The following PGCKA1 variants were observed in gnomAD, a reference collection of about 807,000 sequenced individuals.
PGCKA1 encodes the protein PDCD10 and GCKIII kinases associated 1.
At chr4:37,533,947 C>T in the PGCKA1 span, among the ~76,000 whole-genome samples, 3 of 152,132 alleles carry the variant, frequency 2.0e-5, no homozygotes, top group Admixed American at 6.5e-5. Context: ...TCTTTATTTT[C>T]TTAGGATGTC....
At chr4:37,537,199 T>C in the PGCKA1 span, among the ~76,000 whole-genome samples, 205 of 152,342 alleles carry the variant, frequency 1.3e-3, no homozygotes, top group Non-Finnish European at 2.2e-3. Context: ...TGTTCTGCCC[T>C]CCAGAATTTC....
chr4:37,540,787 A>G, the PGCKA1 span, among the ~76,000 whole-genome samples: 1 of 149,934 alleles, frequency 6.7e-6, no homozygotes, highest in African/African-American at 2.5e-5. Flanking sequence ...CCCCATGTAG[A>G]GGTGGGGGTG....
chr4:37,576,660 AT>A, the PGCKA1 span, among the ~76,000 whole-genome samples: 1 of 152,020 alleles, frequency 6.6e-6, no homozygotes, highest in Non-Finnish European at 1.5e-5. Context: ...CATGTTTTAG[AT>A]TTAGAGAAAA....
At chr4:37,544,396 G>A in the PGCKA1 span, among the ~76,000 whole-genome samples, 13 of 151,960 alleles carry the variant, frequency 8.6e-5, no homozygotes, top group East Asian at 1.2e-3. Context: ...CTTCAATTAC[G>A]TAAAATTTTC....
chr4:37,537,681 A>T, the PGCKA1 span, among the ~76,000 whole-genome samples: 968 of 152,300 alleles, frequency 6.4e-3, 13 homozygotes, highest in African/African-American at 0.022. Flanking sequence ...AAGTTATTCA[A>T]CTTCCTGTGT....
the PGCKA1 span, among the ~76,000 whole-genome samples, chr4:37,457,051 C>A: frequency 4.6e-5 from 7 of 152,136 alleles, no homozygotes; most frequent in Non-Finnish European, 1.0e-4. Flanking sequence ...GATTCTAGTT[C>A]CTCTAGAGCT....
chr4:37,484,653 A>G, the PGCKA1 span, among the ~76,000 whole-genome samples: 1 of 152,252 alleles, frequency 6.6e-6, no homozygotes, highest in Non-Finnish European at 1.5e-5. Context: ...TGAGCTAATT[A>G]CATCTCTTTT....
the PGCKA1 span, among the ~76,000 whole-genome samples, chr4:37,583,162 A>C: frequency 6.6e-6 from 1 of 152,214 alleles, no homozygotes; most frequent in African/African-American, 2.4e-5. Context: ...AAACTTCTAC[A>C]AGTGGATTCC....
At chr4:37,459,317 AG>A in the PGCKA1 span, among the ~76,000 whole-genome samples, 1 of 152,216 alleles carries the variant, frequency 6.6e-6, no homozygotes, top group Non-Finnish European at 1.5e-5. Context: ...CTGGATAATC[AG>A]AGAAGCTTAA....
At chr4:37,541,580 A>G in the PGCKA1 span, among the ~76,000 whole-genome samples, 4 of 152,222 alleles carry the variant, frequency 2.6e-5, no homozygotes, top group Non-Finnish European at 5.9e-5. Flanking sequence ...ACAATTAGCC[A>G]CATGGCCGCT....
the PGCKA1 span, among the ~76,000 whole-genome samples, chr4:37,545,848 C>G: frequency 6.6e-6 from 1 of 152,198 alleles, no homozygotes; most frequent in Non-Finnish European, 1.5e-5. Flanking sequence ...AATAATAATT[C>G]TAATAATTCC....
chr4:37,571,355 C>CAT, the PGCKA1 span, among the ~76,000 whole-genome samples: 11 of 78,074 alleles, frequency 1.4e-4, 1 homozygote, highest in Non-Finnish European at 1.3e-4. Flanking sequence ...GACTATTATC[C>CAT]TTTTTTTTTT....
the PGCKA1 span, among the ~76,000 whole-genome samples, chr4:37,498,317 T>C: frequency 3.9e-5 from 6 of 152,228 alleles, no homozygotes; most frequent in Non-Finnish European, 7.3e-5. Context: ...TATGGCCTTA[T>C]AGTTTCAAAT....
the PGCKA1 span, among the ~76,000 whole-genome samples, chr4:37,555,454 C>T: frequency 6.6e-6 from 1 of 152,174 alleles, no homozygotes; most frequent in African/African-American, 2.4e-5. Context: ...TTGCATGGCC[C>T]TGGATAAGTC....
the PGCKA1 span, among the ~76,000 whole-genome samples, chr4:37,574,677 A>G: frequency 1.3e-5 from 2 of 152,118 alleles, no homozygotes; most frequent in Non-Finnish European, 1.5e-5. Context: ...CTGTTAAGCT[A>G]TCAAATACCA....
At chr4:37,591,188 C>T in the PGCKA1 span, 3 of 571,410 alleles carry the variant, frequency 5.3e-6, no homozygotes, top group African/African-American at 3.7e-5. Flanking sequence ...TGGAGTTTCA[C>T]TCTGTGTAGA....
At chr4:37,488,005 T>A in the PGCKA1 span, among the ~76,000 whole-genome samples, 1 of 152,308 alleles carries the variant, frequency 6.6e-6, no homozygotes, top group South Asian at 2.1e-4. Flanking sequence ...AAAGCTAATA[T>A]CAAGACTCCT....
chr4:37,534,599 T>C, the PGCKA1 span, among the ~76,000 whole-genome samples: 1 of 152,340 alleles, frequency 6.6e-6, no homozygotes, highest in Admixed American at 6.5e-5. Flanking sequence ...GAAATTTATT[T>C]CACATAATTC....
the PGCKA1 span, among the ~76,000 whole-genome samples, chr4:37,461,954 C>T: frequency 6.6e-6 from 1 of 152,018 alleles, no homozygotes. Flanking sequence ...TCTGGACTGT[C>T]AAGTTCTGAA....
Sources: allele counts gnomAD v4.1 joint callset (sites outside exome capture counted in the v4.1 genomes callset), GRCh38; gene constraint gnomAD v4.1.1; transcripts MANE v1.5; gene names NCBI Gene and HGNC (gene_info 2026-07-23, HGNC 2026-07-21).